NCAM2: variants seen among roughly 807,000 people sequenced by gnomAD.
NCAM2 encodes the protein N-CAM-2.
Under a neutral mutation model 98.1 loss-of-function variants are expected in NCAM2, and 30 were observed. That is an observed-to-expected ratio of 0.31 (90% CI 0.23 to 0.41). The LOEUF is 0.41. Among genes scored for constraint, NCAM2 ranks in the 10% least tolerant of loss-of-function variants. The pLI is 1.00. For synonymous variants in NCAM2, 368 were observed against 342.4 expected, an observed-to-expected ratio of 1.07 and a Z score of -0.83; for missense variants, 867 against 1,005.8, an observed-to-expected ratio of 0.86 and a Z score of 1.87.
intron 1 of NCAM2, among the ~76,000 whole-genome samples, chr21:21,062,315 T>C (rs2065340232): frequency 6.6e-6 from 1 of 152,226 alleles, no homozygotes; most frequent in South Asian, 2.1e-4. Context: ...TTGCTTTTTT[T>C]TCGCCTAAGT....
At chr21:21,509,300 A>G (rs116254222) in intron 16 of NCAM2, among the ~76,000 whole-genome samples, 1,611 of 152,294 alleles carry the variant, frequency 0.011, 25 homozygotes, top group African/African-American at 0.037. Flanking sequence ...ACTGAAAAGA[A>G]TCACTACCAT....
At chr21:21,441,696 G>C (rs1979296996) in intron 12 of NCAM2, among the ~76,000 whole-genome samples, 1 of 152,164 alleles carries the variant, frequency 6.6e-6, no homozygotes, top group Non-Finnish European at 1.5e-5. Flanking sequence ...TATTGGCAAA[G>C]TGATTTTTCA....
At chr21:21,188,718 G>T (rs2068720260) in intron 1 of NCAM2, among the ~76,000 whole-genome samples, 1 of 152,182 alleles carries the variant, frequency 6.6e-6, no homozygotes, top group South Asian at 2.1e-4. Context: ...CCAGTGAATT[G>T]CAGGGAAGGA....
At chr21:21,027,154 G>A (rs969287805) in intron 1 of NCAM2, among the ~76,000 whole-genome samples, 2 of 152,024 alleles carry the variant, frequency 1.3e-5, no homozygotes, top group African/African-American at 2.4e-5. Context: ...CGCCGTGCCC[G>A]GCCCAAAACT....
At chr21:21,469,387 G>A (rs1389135295) in intron 14 of NCAM2, among the ~76,000 whole-genome samples, 9 of 151,874 alleles carry the variant, frequency 5.9e-5, no homozygotes. Flanking sequence ...GGACAACTGC[G>A]TTTTGCCTTC....
intron 11 of NCAM2, among the ~76,000 whole-genome samples, chr21:21,430,292 G>A (rs550779371): frequency 2.0e-5 from 3 of 150,826 alleles, no homozygotes; most frequent in African/African-American, 4.9e-5. Context: ...CTTCCAAAGT[G>A]CAGTGATTAC....
chr21:21,432,148 G>A lies in NCAM2; in HGVS notation c.1521G>A (p.Leu507=), dbSNP rs765493698. The A allele has an allele frequency of 1.2e-6, 2 of 1,614,044 alleles. No individual in the cohort carries two copies. Among genetic ancestry groups the A allele is most frequent in the South Asian group, 1.1e-5 (1 of 91,076 alleles). ...SSPYGVKIIE[L]SQTTAKVSFN... is the part of the protein sequence containing the mutation. Reference sequence around the variant, plus strand: ...CCTATGGAGTGAAGATCATAGAGCTGTCGCAGACCACGGCCAAGGTTTCCT... The same window carrying A: ...CCTATGGAGTGAAGATCATAGAGCTATCGCAGACCACGGCCAAGGTTTCCT... Residue 507 remains leucine (L), a synonymous_variant, in exon 12 of 18, where the codon CTG becomes CTA. Coordinates refer to ENST00000400546, the MANE Select transcript of NCAM2 (RefSeq NM_004540.5).
intron 1 of NCAM2, among the ~76,000 whole-genome samples, chr21:21,229,847 G>A (rs995346635): frequency 3.3e-5 from 5 of 151,334 alleles, no homozygotes; most frequent in African/African-American, 9.7e-5. Context: ...CATCTCAGAC[G>A]TATTTACAAG....
At chr21:21,367,112 A>C (rs889361714) in intron 8 of NCAM2, among the ~76,000 whole-genome samples, 1 of 152,032 alleles carries the variant, frequency 6.6e-6, no homozygotes, top group Non-Finnish European at 1.5e-5. Flanking sequence ...AGAGCTTCAT[A>C]ATATAATTTG....
chr21:21,407,226 G>A (rs963662181), intron 9 of NCAM2, among the ~76,000 whole-genome samples: 1 of 152,134 alleles, frequency 6.6e-6, no homozygotes, highest in South Asian at 2.1e-4. Flanking sequence ...AGTGAATATC[G>A]CTGCCTTGCT....
intron 1 of NCAM2, among the ~76,000 whole-genome samples, chr21:21,108,223 G>T (rs12483272): frequency 0.043 from 6,459 of 151,746 alleles, 188 homozygotes; most frequent in East Asian, 0.14. Flanking sequence ...GACTCATAAA[G>T]ACTTTTTTTT....
intron 1 of NCAM2, among the ~76,000 whole-genome samples, chr21:21,194,156 T>C (rs755717493): frequency 4.6e-5 from 7 of 152,196 alleles, no homozygotes; most frequent in Non-Finnish European, 7.4e-5. Flanking sequence ...TACAGTTCCA[T>C]AATAGGACAA....
intron 1 of NCAM2, among the ~76,000 whole-genome samples, chr21:21,264,955 G>GTATGTGTATATATACACATATATATTATA (rs2072095677): frequency 1.2e-5 from 1 of 80,820 alleles, no homozygotes; most frequent in African/African-American, 3.9e-5. Flanking sequence ...ATATATATGT[G>GTATGTGTATATATACACATATATATTATA]TATGTGTATA....
At chr21:21,532,672 A>T (rs1392197807) in intron 16 of NCAM2, among the ~76,000 whole-genome samples, 2 of 152,304 alleles carry the variant, frequency 1.3e-5, no homozygotes, top group East Asian at 3.9e-4. Context: ...CTTGCTAAGA[A>T]TCATCAATAG....
At chr21:21,043,712 G>A (rs1281130104) in intron 1 of NCAM2, among the ~76,000 whole-genome samples, 1 of 151,796 alleles carries the variant, frequency 6.6e-6, no homozygotes, top group East Asian at 1.9e-4. Context: ...AAAATTAGCT[G>A]GGCGTGGTGG....
At chr21:21,273,265 G>A (rs868232502) in intron 1 of NCAM2, among the ~76,000 whole-genome samples, 25 of 152,124 alleles carry the variant, frequency 1.6e-4, no homozygotes, top group African/African-American at 6.0e-4. Context: ...AGTAGTTATT[G>A]TGGGTATGCA....
At chr21:21,317,047 C>T (rs2074244676) in intron 5 of NCAM2, among the ~76,000 whole-genome samples, 1 of 152,136 alleles carries the variant, frequency 6.6e-6, no homozygotes, top group African/African-American at 2.4e-5. Context: ...GCTAGCCATA[C>T]ACAAACTCCA....
chr21:21,240,277 T>C (rs2071011933), intron 1 of NCAM2, among the ~76,000 whole-genome samples: 1 of 151,994 alleles, frequency 6.6e-6, no homozygotes, highest in Admixed American at 6.6e-5. Flanking sequence ...AAAAGTAATG[T>C]GCCAAAGCAT....
chr21:21,537,560 A>G (rs1348084288), intron 17 of NCAM2, among the ~76,000 whole-genome samples: 1 of 152,176 alleles, frequency 6.6e-6, no homozygotes, highest in Non-Finnish European at 1.5e-5. Flanking sequence ...ATCTACAAAT[A>G]TATTGTTTCA....
Sources: allele counts gnomAD v4.1 joint callset (sites outside exome capture counted in the v4.1 genomes callset), GRCh38; gene constraint gnomAD v4.1.1; transcripts MANE v1.5; gene names NCBI Gene and HGNC (gene_info 2026-07-23, HGNC 2026-07-21).